Variants in NKAIN3 observed in about 807,000 individuals in gnomAD.
NKAIN3 encodes sodium/potassium transporting ATPase interacting 3.
In NKAIN3, 25 loss-of-function variants were observed where a neutral mutation model predicts 30.2. That is an observed-to-expected ratio of 0.83 (90% CI 0.60 to 1.16). The LOEUF (loss-of-function observed/expected upper bound fraction) is 1.16, where lower values mean the gene tolerates loss of function less well. Among genes scored for constraint, NKAIN3 ranks in the 50% most tolerant of loss-of-function variants. NKAIN3 has a pLI of 0.00. For missense variants in NKAIN3, 225 were observed against 254.1 expected (o/e 0.89, Z 0.78); for synonymous variants, 91 against 89.6 (o/e 1.02, Z -0.09).
At chr8:62,535,156 G>A (rs1025275243) in intron 1 of NKAIN3, among the ~76,000 whole-genome samples, 9 of 152,046 alleles carry the variant, frequency 5.9e-5, no homozygotes, top group Non-Finnish European at 8.8e-5. Flanking sequence ...AGTTGAATTC[G>A]TACACTATTT....
In NKAIN3 at chr8:62,641,221, G is replaced by T. The variant is rs556845850; in HGVS notation, c.273+51427G>T. On this transcript the variant is annotated intron_variant, in intron 3 of 6. Transcript: ENST00000623646. ...AGCACTCTTCTAGATGATAAAAGAA[G>T]CTCCCAAATACAGTTATGTAATTGT... Among the ~76,000 whole-genome samples, 377 of 152,160 alleles carry T rather than the reference G, an allele frequency of 2.5e-3. 3 individuals carry two copies. The highest frequency in any genetic ancestry group is 8.9e-3 in the African/African-American group (369 of 41,526).
At chr8:62,411,199 A>G (rs1009479239) in intron 1 of NKAIN3, among the ~76,000 whole-genome samples, 3 of 152,188 alleles carry the variant, frequency 2.0e-5, no homozygotes, top group African/African-American at 7.2e-5. Flanking sequence ...AATTTAACAC[A>G]CCATGATCAA....
chr8:62,341,260 C>T (rs7833901), intron 1 of NKAIN3, among the ~76,000 whole-genome samples: 5,944 of 151,994 alleles, frequency 0.039, 418 homozygotes, highest in African/African-American at 0.14. Flanking sequence ...TTACTTAAAG[C>T]ATGTGATTTG....
chr8:62,776,014 T>C (rs1478979813), intron 4 of NKAIN3, among the ~76,000 whole-genome samples: 5 of 152,126 alleles, frequency 3.3e-5, no homozygotes, highest in Non-Finnish European at 7.4e-5. Flanking sequence ...TCTTTATCAT[T>C]ATATAATGAT....
At position 62,975,456 on chromosome 8, in the gene NKAIN3, T is replaced by C. The variant is rs1477731510; in HGVS notation, c.*10049T>C. On this transcript the variant is annotated 3_prime_UTR_variant, in exon 7 of 7. Transcript: ENST00000623646. ...ATTTTTTAGTTTATTTGGATAGAGT[T>C]GTTTGTAATATTCTCTGACGGTAGT... 6.6e-6 allele frequency among the ~76,000 whole-genome samples: 1 copy of C among 152,212 alleles called. No homozygotes were observed. Among genetic ancestry groups the C allele is most frequent in the Non-Finnish European group, 1.5e-5 (1 of 68,036 alleles).
At chr8:62,836,875 T>C (rs958737336) in intron 4 of NKAIN3, among the ~76,000 whole-genome samples, 25 of 152,110 alleles carry the variant, frequency 1.6e-4, no homozygotes, top group African/African-American at 5.8e-4. Flanking sequence ...TGCAAATATC[T>C]GTATGAAGAG....
At chr8:62,995,793 A>G (rs1585653368) in intron 5 of NKAIN3, among the ~76,000 whole-genome samples, 1 of 152,236 alleles carries the variant, frequency 6.6e-6, no homozygotes, top group African/African-American at 2.4e-5. Context: ...CTATACTTCC[A>G]TAAAGCCAAA....
At chr8:62,586,356 T>C (rs1810476798) in intron 2 of NKAIN3, among the ~76,000 whole-genome samples, 1 of 152,202 alleles carries the variant, frequency 6.6e-6, no homozygotes, top group African/African-American at 2.4e-5. Context: ...TTGCCATAGT[T>C]ACCTCATTTG....
intron 3 of NKAIN3, among the ~76,000 whole-genome samples, chr8:62,590,471 TTG>T: frequency 6.6e-6 from 1 of 151,968 alleles, no homozygotes; most frequent in Non-Finnish European, 1.5e-5. Flanking sequence ...AAGTTTCTAG[TTG>T]TGTTTCTTAA....
At chr8:62,319,029 C>T (rs1259466143) in intron 1 of NKAIN3, among the ~76,000 whole-genome samples, 1 of 152,104 alleles carries the variant, frequency 6.6e-6, no homozygotes, top group African/African-American at 2.4e-5. Flanking sequence ...TTGGTCTATT[C>T]AGAGATTCAG....
intron 1 of NKAIN3, among the ~76,000 whole-genome samples, chr8:62,395,466 A>G (rs1021287492): frequency 6.6e-6 from 1 of 152,246 alleles, no homozygotes; most frequent in Non-Finnish European, 1.5e-5. Flanking sequence ...ATTCATGAAA[A>G]AAAAGTCTAT....
chr8:62,310,473 GTATT>G (rs1421763626), intron 1 of NKAIN3, among the ~76,000 whole-genome samples: 2 of 150,646 alleles, frequency 1.3e-5, no homozygotes, highest in Admixed American at 1.3e-4. Context: ...TGATTAGAAA[GTATT>G]TAGAACGTAA....
At chr8:62,418,394 G>C (rs935794702) in intron 1 of NKAIN3, among the ~76,000 whole-genome samples, 1 of 152,188 alleles carries the variant, frequency 6.6e-6, no homozygotes, top group Non-Finnish European at 1.5e-5. Context: ...TGATAGAGAT[G>C]AAGTAAATCA....
chr8:62,716,454 C>T (rs1439390804), intron 3 of NKAIN3, among the ~76,000 whole-genome samples: 1 of 152,140 alleles, frequency 6.6e-6, no homozygotes, highest in Non-Finnish European at 1.5e-5. Context: ...GGATTCATGA[C>T]AGTTGTACAT....
At chr8:62,894,704 G>A (rs948900166) in intron 4 of NKAIN3, among the ~76,000 whole-genome samples, 5 of 152,130 alleles carry the variant, frequency 3.3e-5, no homozygotes, top group African/African-American at 1.2e-4. Flanking sequence ...AGCCCAAATA[G>A]AAGTCACTTA....
intron 2 of NKAIN3, 83 bp from the exon 3 acceptor site, chr8:62,589,631 A>T: frequency 3.3e-6 from 2 of 607,336 alleles, no homozygotes; most frequent in Non-Finnish European, 5.9e-6. Flanking sequence ...ACTTATTGAC[A>T]TTTTTATTAT....
chr8:62,335,842 A>G (rs188832137), intron 1 of NKAIN3, among the ~76,000 whole-genome samples: 11 of 152,122 alleles, frequency 7.2e-5, no homozygotes, highest in Non-Finnish European at 1.5e-4. Context: ...TAATGATCCA[A>G]TCCATCAGAG....
At chr8:62,730,585 C>A (rs923164888) in intron 3 of NKAIN3, among the ~76,000 whole-genome samples, 5 of 152,020 alleles carry the variant, frequency 3.3e-5, no homozygotes, top group Non-Finnish European at 7.4e-5. Flanking sequence ...TATGAATTAA[C>A]CATTTACTTA....
chr8:62,420,880 G>A (rs1804616860), intron 1 of NKAIN3, among the ~76,000 whole-genome samples: 1 of 151,964 alleles, frequency 6.6e-6, no homozygotes, highest in Non-Finnish European at 1.5e-5. Flanking sequence ...TATGGTTTTG[G>A]GTAATAACCA....
Sources: gnomAD v4.1 joint callset for allele counts (sites outside exome capture counted in the v4.1 genomes callset) on GRCh38, gnomAD v4.1.1 for gene constraint, MANE v1.5 for transcripts, NCBI Gene and HGNC (gene_info 2026-07-23, HGNC 2026-07-21) for gene names.